Variants in DMD observed in about 807,000 individuals in gnomAD.
DMD encodes dystrophin, also known as mutant dystrophin.
A neutral mutation model predicts 330.1 loss-of-function variants in DMD; 63 were observed. The ratio of observed to expected loss-of-function variants is 0.19; its 90% CI spans 0.16 to 0.24. DMD has a LOEUF of 0.24. DMD is among the 10% of genes least tolerant of loss of function. The pLI, the probability that DMD is intolerant of heterozygous loss-of-function variation, is 1.00. For missense variants in DMD, 3,344 were observed against 2,684.1 expected (o/e 1.25, Z -5.43); for synonymous variants, 1,223 against 959.8 (o/e 1.27, Z -5.07).
intron 34 of DMD, among the ~76,000 whole-genome samples, chrX:32,371,925 T>C (rs770693672): frequency 2.7e-5 from 3 of 111,944 alleles, no homozygotes; most frequent in Non-Finnish European, 3.8e-5. Flanking sequence ...AATTTAGCCA[T>C]GGTTTGTTTC....
chrX:31,607,793 C>T (rs772503926), intron 55 of DMD, among the ~76,000 whole-genome samples: 49 of 112,296 alleles, frequency 4.4e-4, no homozygotes, highest in African/African-American at 1.4e-3. Context: ...TTTTCTTCAG[C>T]TGACATCTAT....
intron 13 of DMD, among the ~76,000 whole-genome samples, chrX:32,574,771 C>G (rs1018152755): frequency 1.5e-4 from 16 of 110,058 alleles, no homozygotes; most frequent in African/African-American, 5.5e-4. Context: ...GAAAAATCTA[C>G]TCAGTGTCTA....
intron 51 of DMD, among the ~76,000 whole-genome samples, chrX:31,771,218 C>T (rs1248794507): frequency 9.1e-6 from 1 of 110,226 alleles, no homozygotes; most frequent in Admixed American, 9.8e-5. Flanking sequence ...TATTTAGGGC[C>T]ATTTTACCGA....
intron 2 of DMD, among the ~76,000 whole-genome samples, chrX:32,896,267 A>G (rs763794483): frequency 9.0e-6 from 1 of 111,642 alleles, no homozygotes; most frequent in South Asian, 3.8e-4. Flanking sequence ...CCCCTAGGGT[A>G]TAATAGGAGG....
intron 2 of DMD, among the ~76,000 whole-genome samples, chrX:32,968,901 T>G (rs1460823270): frequency 9.5e-6 from 1 of 105,297 alleles, no homozygotes; most frequent in Admixed American, 1.0e-4. Flanking sequence ...TGGTGGTGGG[T>G]GCCTATAATC....
At chrX:32,875,531 C>T (rs965541727) in intron 2 of DMD, among the ~76,000 whole-genome samples, 7 of 111,859 alleles carry the variant, frequency 6.3e-5, no homozygotes, top group African/African-American at 1.9e-4. Context: ...GTGCCAGGCC[C>T]GGTTGTAAGC....
At chrX:31,923,878 G>A (rs1343939585) in intron 47 of DMD, among the ~76,000 whole-genome samples, 1 of 111,820 alleles carries the variant, frequency 8.9e-6, no homozygotes. Flanking sequence ...TTACAGGCGT[G>A]AGCCACCACA....
At chrX:33,016,864 C>T (rs772687032) in intron 2 of DMD, among the ~76,000 whole-genome samples, 5 of 111,648 alleles carry the variant, frequency 4.5e-5, no homozygotes, top group East Asian at 2.8e-4. Context: ...TTTATTAAGC[C>T]GGCATGGATG....
intron 44 of DMD, among the ~76,000 whole-genome samples, chrX:32,032,964 T>C (rs2095897512): frequency 8.9e-6 from 1 of 112,066 alleles, no homozygotes; most frequent in African/African-American, 3.2e-5. Flanking sequence ...AGATTCACAA[T>C]AGCTAAGATG....
intron 2 of DMD, among the ~76,000 whole-genome samples, chrX:32,928,478 T>C (rs1268835993): frequency 9.0e-6 from 1 of 111,567 alleles, no homozygotes; most frequent in Non-Finnish European, 1.9e-5. Context: ...TACGTAGGTA[T>C]GTGTGATTTT....
At chrX:32,885,906 T>C (rs1248058199) in intron 2 of DMD, among the ~76,000 whole-genome samples, 5 of 106,684 alleles carry the variant, frequency 4.7e-5, no homozygotes, top group Non-Finnish European at 5.8e-5. Context: ...TCTCCAAATC[T>C]AGACTCCAAA....
intron 47 of DMD, among the ~76,000 whole-genome samples, chrX:31,893,192 T>TA (rs1330072759): frequency 8.9e-6 from 1 of 112,088 alleles, no homozygotes. Context: ...TTGCCCCCAC[T>TA]AAATAAATGC....
intron 1 of DMD, among the ~76,000 whole-genome samples, chrX:33,075,699 C>A (rs780131551): frequency 2.6e-3 from 287 of 112,167 alleles, no homozygotes; most frequent in Middle Eastern, 9.2e-3. Flanking sequence ...GGTATTGAAA[C>A]CACCATTGCA....
chrX:32,444,696 C>T (rs372813147), intron 27 of DMD, among the ~76,000 whole-genome samples: 3 of 111,003 alleles, frequency 2.7e-5, no homozygotes, highest in African/African-American at 6.5e-5. Flanking sequence ...CTTGTTTTCA[C>T]AAGCCCTGGT....
At chrX:32,540,272 T>C (rs1386781022) in intron 17 of DMD, among the ~76,000 whole-genome samples, 1 of 111,488 alleles carries the variant, frequency 9.0e-6, no homozygotes, top group Non-Finnish European at 1.9e-5. Flanking sequence ...ATAATTATCT[T>C]GTGACCCAAG....
chrX:31,171,468 G>A (rs1569405448), intron 73 of DMD, among the ~76,000 whole-genome samples: 1 of 96,173 alleles, frequency 1.0e-5, no homozygotes, highest in Non-Finnish European at 2.2e-5. Flanking sequence ...TCCAAGATGG[G>A]TGAGATATCC....
At chrX:33,119,981 T>C (rs2095413188) in intron 1 of DMD, among the ~76,000 whole-genome samples, 1 of 111,848 alleles carries the variant, frequency 8.9e-6, no homozygotes, top group African/African-American at 3.2e-5. Context: ...CTGTTTCCTT[T>C]CGATCCACCT....
In DMD at chrX:31,866,056, C is replaced by A. The variant is rs749673346; in HGVS notation, c.7098+9132G>T. On this transcript the variant is annotated intron_variant, in intron 48 of 78. Coordinates refer to ENST00000357033, the MANE Select transcript of DMD (RefSeq NM_004006.3). ...AAAGATGAACTTCAATGGCCTCTTC[C>A]GAAAACATAAGCACTCCCTAAGCTG... Among the ~76,000 whole-genome samples, 5 of 111,305 alleles carry A rather than the reference C, an allele frequency of 4.5e-5. No individual in the cohort carries two copies. The East Asian group carries it at 1.4e-3, about 32-fold the overall frequency.
At position 32,354,693 on chromosome X, in the gene DMD, T is replaced by C. The variant is rs183947972; in HGVS notation, c.5326-6165A>G. Among the ~76,000 whole-genome samples the C allele has an allele frequency of 1.9e-4, 21 of 111,696 alleles. No homozygotes were observed. In the East Asian group the frequency reaches 5.9e-3, roughly 31 times the overall value. On this transcript the variant is annotated intron_variant, in intron 37 of 78. Transcript: ENST00000357033. ...ATTCTTTTGAGAATAGATAAAGTACTGGTTTACCTTTAATGCTTTGATAAT... is the reference window on the plus strand; with the variant it reads ...ATTCTTTTGAGAATAGATAAAGTACCGGTTTACCTTTAATGCTTTGATAAT...
Sources: allele counts gnomAD v4.1 joint callset (sites outside exome capture counted in the v4.1 genomes callset), GRCh38; gene constraint gnomAD v4.1.1; transcripts MANE v1.5; gene names NCBI Gene and HGNC (gene_info 2026-07-23, HGNC 2026-07-21).